The following TBL3 variants were observed in gnomAD, a reference collection of about 807,000 sequenced individuals.
TBL3 encodes transducin beta-like protein 3.
Under a neutral mutation model 102.7 loss-of-function variants are expected in TBL3, and 71 were observed. The ratio of observed to expected loss-of-function variants is 0.69; its 90% CI spans 0.57 to 0.84. TBL3 has a LOEUF of 0.84. TBL3 is among the 40% of genes least tolerant of loss of function. The pLI is 0.00. For missense variants in TBL3, 1,188 were observed against 1,098.5 expected (o/e 1.08, Z -1.15); for synonymous variants, 578 against 477.7 (o/e 1.21, Z -2.74).
In TBL3 at chr16:1,978,211, G is replaced by A. The variant is rs757607605; in HGVS notation, c.2125G>A (p.Asp709Asn). 6.8e-6 allele frequency: 11 copies of A among 1,612,838 alleles called. No individual in the cohort carries two copies. Among genetic ancestry groups the A allele is most frequent in the Admixed American group, 5.0e-5 (3 of 60,016 alleles). Residue 709 changes from aspartate (D) to asparagine (N), a missense_variant, in exon 20 of 22, where the codon GAC (aspartate) becomes AAC (asparagine). Physicochemically the swap from Asp to Asn is conservative, Grantham distance 23. Coordinates refer to ENST00000568546, the MANE Select transcript of TBL3 (RefSeq NM_006453.3). Reference sequence around the variant, plus strand: ...AGCCACCATGCTCCGACTGCGGCGCGACCAGAAAGGTTGGCGGCCAGTCAG... The same window carrying A: ...AGCCACCATGCTCCGACTGCGGCGCAACCAGAAAGGTTGGCGGCCAGTCAG... ...LEATMLRLRRDQKEALLRFCV... is the reference protein window; with the variant it reads ...LEATMLRLRRNQKEALLRFCV...
Position 1,980,228 on chromosome 16 carries a change from G to C in TBL3, c.*1543G>C. On this transcript the variant is annotated 3_prime_UTR_variant, in exon 22 of 22. Transcript: ENST00000568546. The stretch of plus-strand genomic sequence containing the variant: ...AGTGAGAGGTAGGCGGATGGGGAGG[G>C]TGAAACTGGGGGCGCCACCCCGGCA... The C allele has an allele frequency of 1.9e-6, 3 of 1,549,392 alleles. No individual in the cohort carries two copies. Among genetic ancestry groups the C allele is most frequent in the South Asian group, 1.2e-5 (1 of 85,284 alleles).
Position 1,975,354 on chromosome 16 carries a change from G to T in TBL3, c.721G>T (p.Ala241Ser). The T allele has an allele frequency of 6.2e-7, 1 of 1,614,034 alleles. No homozygotes were observed. The highest frequency in any genetic ancestry group is 8.5e-7 in the Non-Finnish European group (1 of 1,180,010). Reference sequence around the variant, plus strand: ...CCCAATTCGTCTCCAGAGCGTGGAGGCTGCTGTGCTGTTGCCAGAGGAGCC... The same window carrying T: ...CCCAATTCGTCTCCAGAGCGTGGAGTCTGCTGTGCTGTTGCCAGAGGAGCC... ...RTVPVFESVE[A>S]AVLLPEEPVS... Residue 241 changes from alanine (A) to serine (S), a missense_variant, in exon 9 of 22, where the codon GCT becomes TCT. Transcript: ENST00000568546.
rs775678299 is a variant in TBL3 at position 1,977,719 on chromosome 16, A to G, written c.1900-23A>G. On this transcript the variant is annotated intron_variant, in intron 17 of 21. Transcript: ENST00000568546. ...AGAGTCGGGGTGGAGTGGAGGCCCC[A>G]TCTGACCCTAGTCTAACCCCAGGAT... The G allele has an allele frequency of 2.6e-6, 4 of 1,552,176 alleles. No homozygotes were observed. In the East Asian group the frequency reaches 9.8e-5, roughly 38 times the overall value.
rs1455373557 is a variant in TBL3 at position 1,979,088 on chromosome 16, G to A, written c.*403G>A. 1.3e-6 allele frequency: 2 copies of A among 1,518,326 alleles called. No individual in the cohort carries two copies. Among genetic ancestry groups the A allele is most frequent in the East Asian group, 2.5e-5 (1 of 39,538 alleles). The allele number at this position is 1,518,326 out of a possible 1,614,324, so 94.1% of individuals were successfully genotyped here. A position where few individuals can be genotyped will look rare whatever the true frequency, so the allele number is the denominator to read the frequency against. ...TCGTGGGGTGCGGCACAGAGTCCACGCACCCTCGAGGGCGGCCCTGGCGCC... is the reference window on the plus strand; with the variant it reads ...TCGTGGGGTGCGGCACAGAGTCCACACACCCTCGAGGGCGGCCCTGGCGCC... On this transcript the variant is annotated 3_prime_UTR_variant, in exon 22 of 22. Coordinates refer to ENST00000568546, the MANE Select transcript of TBL3 (RefSeq NM_006453.3).
chr16:1,972,943 G>A (rs1475826174), intron 1 of TBL3, among the ~76,000 whole-genome samples: 2 of 152,190 alleles, frequency 1.3e-5, no homozygotes, highest in East Asian at 1.9e-4. Flanking sequence ...GGGAATAGGG[G>A]GAAGATAGGA....
intron 1 of TBL3, among the ~76,000 whole-genome samples, chr16:1,973,110 G>C (rs991761541): frequency 2.0e-5 from 3 of 152,170 alleles, no homozygotes; most frequent in Non-Finnish European, 4.4e-5. Flanking sequence ...GACATCTTCA[G>C]TTATGTTCTG....
In TBL3 at chr16:1,981,335, G is replaced by A; in HGVS notation, c.*2650G>A. On this transcript the variant is annotated 3_prime_UTR_variant, in exon 22 of 22. Transcript: ENST00000568546. ...GTCCTTGTGGAGCCGCCCCAGCTGA[G>A]TCCTTTGCAGCTTTCTTGCTGTCCC... 3 of 1,438,602 alleles carry A rather than the reference G, an allele frequency of 2.1e-6. No individual in the cohort carries two copies. The highest frequency in any genetic ancestry group is 2.5e-5 in the East Asian group (1 of 40,042). The allele number at this position is 1,438,602 out of a possible 1,614,324, so 89.1% of individuals were successfully genotyped here.
Position 1,980,623 on chromosome 16 carries a change from C to T in TBL3, c.*1938C>T, listed in dbSNP as rs2083486067. 4 of 1,594,486 alleles carry T rather than the reference C, an allele frequency of 2.5e-6. No homozygotes were observed. The highest frequency in any genetic ancestry group is 3.4e-6 in the Non-Finnish European group (4 of 1,169,506). ...CCTGGCGCCCCCAGGCAAGCCACCG[C>T]CTTCCCCGCTCCCGTACCCAGGCTG... On this transcript the variant is annotated 3_prime_UTR_variant, in exon 22 of 22. Transcript: ENST00000568546.
intron 12 of TBL3, 25 bp from the exon 13 acceptor site, chr16:1,976,184 CCT>C (rs1285891193): frequency 1.2e-6 from 2 of 1,613,888 alleles, no homozygotes; most frequent in African/African-American, 2.7e-5. Flanking sequence ...CATGGACCAG[CCT>C]CTCTCCTCAA....
chr16:1,977,251 G>T lies in TBL3; in HGVS notation c.1638G>T (p.Lys546Asn). The T allele has an allele frequency of 6.2e-7, 1 of 1,613,316 alleles. No individual in the cohort carries two copies. The highest frequency in any genetic ancestry group is 8.5e-7 in the Non-Finnish European group (1 of 1,179,952). ...LATASADGTI[K>N]LWALQDFSCL... ...CGGCCTCAGCTGATGGCACCATCAA[G>T]CTCTGGGCACTCCAGGACTTCAGCT... Residue 546 changes from lysine to asparagine, a missense_variant, in exon 15 of 22, where the codon AAG becomes AAT. Coordinates refer to ENST00000568546, the MANE Select transcript of TBL3 (RefSeq NM_006453.3).
At position 1,975,042 on chromosome 16, in the gene TBL3, C is replaced by T; in HGVS notation, c.579C>T (p.Ala193=). The change falls in exon 7 of 22, where the codon GCC becomes GCT. Residue 193 remains alanine (A), a synonymous_variant. Coordinates refer to ENST00000568546, the MANE Select transcript of TBL3 (RefSeq NM_006453.3). ...GGTCATGCCTGGCTGTGCTGACTGC[C>T]CACTACAGCGCCGTCACCTCACTGG... The part of the protein sequence containing the change: ...QDRSCLAVLT[A]HYSAVTSLAF... 6.2e-7 allele frequency: 1 copy of T among 1,607,582 alleles called. No individual in the cohort carries two copies. Among genetic ancestry groups the T allele is most frequent in the Admixed American group, 1.7e-5 (1 of 60,014 alleles).
In TBL3 at chr16:1,977,992, C is replaced by T. The variant is rs770970273; in HGVS notation, c.1993C>T (p.Arg665Trp). ...GCTGGACAACCTGCTGCATGAGAAG[C>T]GGTACCTGCGGGCGCTGGGCCTGGC... ...QELDNLLHEK[R>W]YLRALGLAIS... The change falls in exon 19 of 22, where the codon CGG becomes TGG. Residue 665 changes from arginine (R) to tryptophan (W), a missense_variant. Transcript: ENST00000568546. 6.9e-6 allele frequency: 11 copies of T among 1,605,268 alleles called. No individual in the cohort carries two copies. In the Admixed American group the frequency reaches 8.4e-5, roughly 12 times the overall value.
At position 1,977,486 on chromosome 16, in the gene TBL3, G is replaced by A. The variant is rs746800499; in HGVS notation, c.1743-28G>A. The A allele has an allele frequency of 6.2e-5, 99 of 1,608,850 alleles. No individual in the cohort carries two copies. The East Asian group carries it at 1.7e-3, about 28-fold the overall frequency. On this transcript the variant is annotated intron_variant, in intron 16 of 21. Coordinates refer to ENST00000568546, the MANE Select transcript of TBL3 (RefSeq NM_006453.3). ...GGGGTGGCGGGGGGACCTGCCTGAC[G>A]CTGAGCCTCTCCCCACCCCAAACCC...
Position 1,979,930 on chromosome 16 carries a change from C to T in TBL3, c.*1245C>T. On this transcript the variant is annotated 3_prime_UTR_variant, in exon 22 of 22. Coordinates refer to ENST00000568546, the MANE Select transcript of TBL3 (RefSeq NM_006453.3). ...TGTGCGCAAGAAGCGGGCAGGGACTCAAATCTCGAGGCTCCCTCGGGTCCA... is the reference window on the plus strand; with the variant it reads ...TGTGCGCAAGAAGCGGGCAGGGACTTAAATCTCGAGGCTCCCTCGGGTCCA... 1 of 1,576,464 alleles carries T rather than the reference C, an allele frequency of 6.3e-7. No individual in the cohort carries two copies. The highest frequency in any genetic ancestry group is 8.6e-7 in the Non-Finnish European group (1 of 1,161,454).
In TBL3 at chr16:1,974,361, C is replaced by T. The variant is rs751220380; in HGVS notation, c.190-15C>T. The T allele has an allele frequency of 3.7e-6, 6 of 1,605,646 alleles. No homozygotes were observed. The highest frequency in any genetic ancestry group is 3.4e-5 in the Admixed American group (2 of 59,310). On this transcript the variant is annotated splice_polypyrimidine_tract_variant and intron_variant, in intron 3 of 21. Coordinates refer to ENST00000568546, the MANE Select transcript of TBL3 (RefSeq NM_006453.3). ...CCCACTCACACCGTGCTCGGCACAC[C>T]ACTCTTTCTCCTAGGAGGACCAGGA...
rs755863858 is a variant in TBL3 at position 1,974,773 on chromosome 16, T to C, written c.390T>C (p.Asp130=). 2 of 1,612,874 alleles carry C rather than the reference T, an allele frequency of 1.2e-6. No homozygotes were observed. The highest frequency in any genetic ancestry group is 2.2e-5 in the South Asian group (2 of 91,070). The change falls in exon 6 of 22, where the codon GAT becomes GAC. Residue 130 remains aspartate (D), a synonymous_variant. Coordinates refer to ENST00000568546, the MANE Select transcript of TBL3 (RefSeq NM_006453.3). ...TSTLLATGGC[D]GAVRVWDIVR... is the part of the protein sequence containing the mutation. ...CTTGCTTCCCCGCAGGTGGCTGTGATGGGGCCGTGCGCGTCTGGGACATCG... is the reference window on the plus strand; with the variant it reads ...CTTGCTTCCCCGCAGGTGGCTGTGACGGGGCCGTGCGCGTCTGGGACATCG...
chr16:1,976,063 C>T lies in TBL3; in HGVS notation c.1137C>T (p.Val379=), dbSNP rs138435320. 8 of 1,614,196 alleles carry T rather than the reference C, an allele frequency of 5.0e-6. No individual in the cohort carries two copies. The East Asian group carries it at 6.7e-5, about 13-fold the overall frequency. Residue 379 remains valine, a synonymous_variant, in exon 12 of 22, where the codon GTC becomes GTT. Coordinates refer to ENST00000568546, the MANE Select transcript of TBL3 (RefSeq NM_006453.3). ...CQILHGHTDI[V]LALDVFRKGW... ...CTCCCCACAACATCTCAGATATCGTCCTGGCCCTGGATGTGTTCCGGAAGG... is the reference window on the plus strand; with the variant it reads ...CTCCCCACAACATCTCAGATATCGTTCTGGCCCTGGATGTGTTCCGGAAGG...
chr16:1,974,654 C>T lies in TBL3; in HGVS notation c.354C>T (p.Asp118=). Residue 118 remains aspartate (D), a synonymous_variant, in exon 5 of 22, where the codon GAC becomes GAT. Transcript: ENST00000568546. ...CCCCCGTGGCCACCATGGCCTTCGA[C>T]CCCACCTCCACTCTGCTAGCCACAG... ...HTAPVATMAF[D]PTSTLLATGG... The T allele has an allele frequency of 1.2e-6, 2 of 1,608,936 alleles. No homozygotes were observed. The highest frequency in any genetic ancestry group is 1.1e-5 in the South Asian group (1 of 90,906).
chr16:1,974,792 G>A lies in TBL3; in HGVS notation c.409G>A (p.Asp137Asn), dbSNP rs763334140. Residue 137 changes from aspartate (D) to asparagine (N), a missense_variant, in exon 6 of 22, where the codon GAC (aspartate) becomes AAC (asparagine). Transcript: ENST00000568546. ...GGCDGAVRVW[D>N]IVRHYGTHHF... Reference sequence around the variant, plus strand: ...CTGTGATGGGGCCGTGCGCGTCTGGGACATCGTGCGGCACTACGGGACACA... The same window carrying A: ...CTGTGATGGGGCCGTGCGCGTCTGGAACATCGTGCGGCACTACGGGACACA... The A allele has an allele frequency of 6.2e-7, 1 of 1,613,236 alleles. No homozygotes were observed. The highest frequency in any genetic ancestry group is 1.7e-5 in the Admixed American group (1 of 60,030).
Sources: allele counts gnomAD v4.1 joint callset (sites outside exome capture counted in the v4.1 genomes callset), GRCh38; gene constraint gnomAD v4.1.1; transcripts MANE v1.5; gene names NCBI Gene and HGNC (gene_info 2026-07-23, HGNC 2026-07-21).